Variants in ZNF177 observed in about 807,000 individuals in gnomAD.
ZNF177 encodes the protein zinc finger protein 177.
ZNF177 carries 17 observed loss-of-function variants against 19.4 expected under a neutral mutation model. The observed-to-expected ratio is 0.87, with a 90% CI of 0.60 to 1.31. The LOEUF is 1.31. ZNF177 is among the 40% of genes most tolerant of loss of function. ZNF177 has a pLI of 0.00. For missense variants in ZNF177, 633 were observed against 561.8 expected (o/e 1.13, Z -1.28); for synonymous variants, 220 against 188.7 (o/e 1.17, Z -1.36).
upstream of ZNF177, among the ~76,000 whole-genome samples, chr19:9,374,495 A>T (rs1417046286): frequency 2.6e-5 from 4 of 152,154 alleles, no homozygotes; most frequent in East Asian, 7.7e-4. Context: ...GACAATATTG[A>T]TTCTTCCAAT....
At chr19:9,365,805 G>A (rs946601971) in intron 2 of ZNF177, among the ~76,000 whole-genome samples, 1 of 152,198 alleles carries the variant, frequency 6.6e-6, no homozygotes, top group Non-Finnish European at 1.5e-5. Context: ...AGATTGAAAT[G>A]AGAAAGAGGT....
exon 3 of ZNF177, chr19:9,379,033 A>G (rs775359895): frequency 1.2e-6 from 2 of 1,611,494 alleles, no homozygotes; most frequent in Admixed American, 3.3e-5. Context: ...ACCCTGCTCA[A>G]AAAAATCTAT....
At chr19:9,380,684 G>T (rs745615162) in exon 6 of ZNF177, 3 of 1,535,806 alleles carry the variant, frequency 2.0e-6, no homozygotes, top group South Asian at 2.4e-5. Context: ...AATCAACCTG[G>T]TGAGCACTCC....
exon 4 of ZNF177, chr19:9,379,618 A>T: frequency 6.2e-7 from 1 of 1,613,584 alleles, no homozygotes; most frequent in Non-Finnish European, 8.5e-7. Context: ...GTGACTGTGC[A>T]GGTGAGCCTT....
intron 5 of ZNF177, 125 bp downstream of exon 7, chr19:9,380,264 C>A: frequency 8.3e-7 from 1 of 1,199,198 alleles, no homozygotes; most frequent in Non-Finnish European, 1.1e-6. Context: ...AGAAAGCTGT[C>A]TCGGGAGAGT....
chr19:9,374,550 TCACC>T (rs2068085968), upstream of ZNF177, among the ~76,000 whole-genome samples: 1 of 152,194 alleles, frequency 6.6e-6, no homozygotes, highest in African/African-American at 2.4e-5. Context: ...TCTTCTACTT[TCACC>T]AGTGTTTTAG....
At chr19:9,381,737 T>A in exon 6 of ZNF177, 1 of 1,609,252 alleles carries the variant, frequency 6.2e-7, no homozygotes. Context: ...AACCTTATAA[T>A]GCACAAGCGA....
intron 5 of ZNF177, 113 bp downstream of exon 7, chr19:9,380,252 C>A: frequency 1.6e-6 from 2 of 1,263,642 alleles, no homozygotes; most frequent in South Asian, 1.7e-5. Context: ...CAGGCTTTCA[C>A]CAGAAAGCTG....
exon 6 of ZNF177, chr19:9,381,802 C>A: frequency 6.4e-7 from 1 of 1,560,934 alleles, no homozygotes; most frequent in Non-Finnish European, 8.6e-7. Flanking sequence ...GTGTTTGTTG[C>A]CCCTCATGCC....
intron 5 of ZNF177, 90 bp downstream of exon 7, chr19:9,380,229 A>G: frequency 7.1e-7 from 1 of 1,413,972 alleles, no homozygotes; most frequent in East Asian, 2.5e-5. Flanking sequence ...AGCAGGGGTA[A>G]GAATTCAGGC....
At chr19:9,381,999 TTA>T in exon 6 of ZNF177, 2 of 635,198 alleles carry the variant, frequency 3.1e-6, no homozygotes, top group South Asian at 6.4e-5. Context: ...TATGAATATT[TTA>T]GTTATCTTTT....
chr19:9,380,917 A>C (rs1305173605), exon 6 of ZNF177: 25 of 1,536,208 alleles, frequency 1.6e-5, no homozygotes, highest in Non-Finnish European at 2.2e-5. Context: ...GAAACACTTA[A>C]GAACTCCCAC....
At chr19:9,379,228 C>T in intron 3 of ZNF177, 140 bp downstream of exon 5, 10 of 1,345,486 alleles carry the variant, frequency 7.4e-6, no homozygotes, top group Non-Finnish European at 9.9e-6. Flanking sequence ...GGGGGCAGTC[C>T]AGTGGCTTCC....
chr19:9,365,497 G>A (rs941667209), intron 2 of ZNF177, among the ~76,000 whole-genome samples: 26 of 151,904 alleles, frequency 1.7e-4, no homozygotes, highest in Middle Eastern at 3.4e-3. Flanking sequence ...CCAGAAAAGC[G>A]GAGAAGGGTA....
At chr19:9,368,562 A>G (rs1196676293) in intron 2 of ZNF177, among the ~76,000 whole-genome samples, 6 of 151,896 alleles carry the variant, frequency 4.0e-5, no homozygotes, top group African/African-American at 1.2e-4. Context: ...TCATCATCGT[A>G]TTTTCTGCTC....
At chr19:9,372,268 T>C (rs915874265), upstream of ZNF177, among the ~76,000 whole-genome samples, 3 of 152,188 alleles carry the variant, frequency 2.0e-5, no homozygotes, top group African/African-American at 7.2e-5. Flanking sequence ...TGGACTGAAA[T>C]CTAAAAGAGA....
chr19:9,374,189 T>G (rs966977342), upstream of ZNF177, among the ~76,000 whole-genome samples: 4 of 152,232 alleles, frequency 2.6e-5, no homozygotes, highest in African/African-American at 9.6e-5. Context: ...CTTGGCATCT[T>G]TGTCCAAGAT....
chr19:9,382,283 G>A, downstream of ZNF177: 1 of 398,726 alleles, frequency 2.5e-6, no homozygotes, highest in East Asian at 3.6e-5. Context: ...GTAGGCAGAA[G>A]TCACTGGATA....
intron 2 of ZNF177, among the ~76,000 whole-genome samples, chr19:9,369,420 C>G (rs1222277316): frequency 6.6e-6 from 1 of 152,012 alleles, no homozygotes; most frequent in Non-Finnish European, 1.5e-5. Flanking sequence ...AGCAAACAAA[C>G]TTTATTTTGG....
Sources: gnomAD v4.1 joint callset for allele counts (sites outside exome capture counted in the v4.1 genomes callset) on GRCh38, gnomAD v4.1.1 for gene constraint, MANE v1.5 for transcripts, NCBI Gene and HGNC (gene_info 2026-07-23, HGNC 2026-07-21) for gene names.